PDK1: variants seen among roughly 807,000 people sequenced by gnomAD.
The protein encoded by PDK1 is pyruvate dehydrogenase kinase 1.
In PDK1, 39 loss-of-function variants were observed where a neutral mutation model predicts 54.2. The ratio of observed to expected loss-of-function variants is 0.72; its 90% CI spans 0.56 to 0.94. The LOEUF is 0.94. Among genes scored for constraint, PDK1 ranks in the 40% least tolerant of loss-of-function variants. The pLI is 0.00. For missense variants in PDK1, 552 were observed against 566.0 expected (o/e 0.98, Z 0.25); for synonymous variants, 221 against 207.1 (o/e 1.07, Z -0.58).
chr2:172,610,419 T>G (rs1558968978), downstream of PDK1, among the ~76,000 whole-genome samples: 1 of 151,882 alleles, frequency 6.6e-6, no homozygotes, highest in African/African-American at 2.4e-5. Context: ...GCCACCATGG[T>G]GGGGGGGCTC....
the PDK1 span, among the ~76,000 whole-genome samples, chr2:172,662,117 T>C: frequency 6.6e-6 from 1 of 152,230 alleles, no homozygotes; most frequent in Non-Finnish European, 1.5e-5. Flanking sequence ...ATTCACATCA[T>C]TGGTGAATGA....
chr2:172,687,128 G>T, the PDK1 span, among the ~76,000 whole-genome samples: 2 of 137,470 alleles, frequency 1.5e-5, no homozygotes, highest in African/African-American at 4.9e-5. Context: ...TGTAGAAGTT[G>T]TAAAGAGAAA....
the PDK1 span, among the ~76,000 whole-genome samples, chr2:172,635,248 T>C: frequency 6.6e-6 from 1 of 152,254 alleles, no homozygotes; most frequent in Non-Finnish European, 1.5e-5. Context: ...ATCTTATTCT[T>C]ACCATGCTTT....
At chr2:172,587,471 G>T (rs1218560334) in intron 9 of PDK1, among the ~76,000 whole-genome samples, 1 of 152,102 alleles carries the variant, frequency 6.6e-6, no homozygotes, top group Non-Finnish European at 1.5e-5. Flanking sequence ...GTCCAGAGTT[G>T]TTTGTTCTTC....
At chr2:172,563,949 G>T (rs528681892) in intron 3 of PDK1, 1 of 461,518 alleles carries the variant, frequency 2.2e-6, no homozygotes, top group Non-Finnish European at 4.5e-6. Flanking sequence ...TAATATAATT[G>T]TTTACTTTTC....
chr2:172,652,256 G>C, the PDK1 span, among the ~76,000 whole-genome samples: 17 of 152,092 alleles, frequency 1.1e-4, no homozygotes, highest in African/African-American at 3.9e-4. Flanking sequence ...AGGCCTTTGA[G>C]AAAATTCAAC....
At chr2:172,716,567 C>T in the PDK1 span, among the ~76,000 whole-genome samples, 4,023 of 152,204 alleles carry the variant, frequency 0.026, 75 homozygotes, top group Non-Finnish European at 0.038. Context: ...TCAGGGGATC[C>T]GCCTGCCTCA....
chr2:172,716,499 A>G, the PDK1 span, among the ~76,000 whole-genome samples: 1 of 151,748 alleles, frequency 6.6e-6, no homozygotes, highest in African/African-American at 2.4e-5. Flanking sequence ...TCATTTTTGT[A>G]TTTGTAGTAG....
At chr2:172,722,424 G>T in the PDK1 span, among the ~76,000 whole-genome samples, 1 of 152,304 alleles carries the variant, frequency 6.6e-6, no homozygotes, top group African/African-American at 2.4e-5. Context: ...TTATCTGTAG[G>T]TCATTCACAA....
the PDK1 span, among the ~76,000 whole-genome samples, chr2:172,688,901 T>C: frequency 6.6e-6 from 1 of 152,220 alleles, no homozygotes; most frequent in South Asian, 2.1e-4. Context: ...AGTGGGTTCA[T>C]GGTCTCGCTG....
intron 3 of PDK1, chr2:172,562,873 CCTG>C (rs1688731394): frequency 1.4e-6 from 2 of 1,398,378 alleles, no homozygotes; most frequent in Non-Finnish European, 2.0e-6. Context: ...TATGCAGCTA[CCTG>C]CTTATTGCAG....
chr2:172,570,176 A>C (rs1231618058), intron 7 of PDK1, among the ~76,000 whole-genome samples: 3 of 152,190 alleles, frequency 2.0e-5, no homozygotes, highest in Non-Finnish European at 4.4e-5. Flanking sequence ...ATATTGTTTA[A>C]GGCTTCTGAT....
At chr2:172,610,381 A>C (rs1691423760), downstream of PDK1, among the ~76,000 whole-genome samples, 1 of 152,054 alleles carries the variant, frequency 6.6e-6, no homozygotes, top group East Asian at 1.9e-4. Context: ...GCATGGGCAC[A>C]CCGGATCTCT....
rs1352117907 is a variant in PDK1, at chr2:172,600,257, AT to A, written c.*4289del. The A allele has an allele frequency of 6.6e-6, 1 of 152,168 alleles. No individual in the cohort carries two copies. The highest frequency in any genetic ancestry group is 2.4e-5 in the African/African-American group (1 of 41,408). 9.4% of individuals were successfully genotyped at this position (152,168 alleles called of 1,614,324 possible). ...ATAGTACTACATGAAAATACTTAAT[AT>A]AGAGTTCTACAGTTACAGTATTGCA... On this transcript the variant is annotated 3_prime_UTR_variant, in exon 11 of 11. Transcript: ENST00000282077.
the PDK1 span, among the ~76,000 whole-genome samples, chr2:172,651,427 G>A: frequency 6.6e-6 from 1 of 152,256 alleles, no homozygotes; most frequent in Admixed American, 6.5e-5. Context: ...AGAGAAGCAA[G>A]AGCAAACACA....
chr2:172,641,704 A>G, the PDK1 span, among the ~76,000 whole-genome samples: 12 of 152,264 alleles, frequency 7.9e-5, no homozygotes, highest in African/African-American at 2.6e-4. Context: ...TCGGCCTTCT[A>G]AAGTGTTGGG....
chr2:172,593,009 C>A lies in PDK1; in HGVS notation c.1131C>A (p.Ser377=). The part of the protein sequence containing the change: ...QYFQGDLKLY[S]LEGYGTDAVI... ...TCCAAGGAGACCTGAAGCTGTATTC[C>A]CTAGAGGGTTACGGGACAGATGCAG... Residue 377 remains serine (S), a synonymous_variant, in exon 10 of 11, where the codon TCC becomes TCA. Coordinates refer to ENST00000282077, the MANE Select transcript of PDK1 (RefSeq NM_002610.5). 6.2e-7 allele frequency: 1 copy of A among 1,608,376 alleles called. No homozygotes were observed. Among genetic ancestry groups the A allele is most frequent in the South Asian group, 1.1e-5 (1 of 90,948 alleles).
chr2:172,642,524 C>T, the PDK1 span, among the ~76,000 whole-genome samples: 3 of 152,228 alleles, frequency 2.0e-5, no homozygotes, highest in Non-Finnish European at 4.4e-5. Context: ...CCCAGACCTA[C>T]TGAATCACAA....
the PDK1 span, among the ~76,000 whole-genome samples, chr2:172,680,408 G>A: frequency 1.3e-5 from 2 of 152,108 alleles, no homozygotes; most frequent in African/African-American, 2.4e-5. Flanking sequence ...CTGGAGTGCA[G>A]TAGCGTGATC....
Sources: gnomAD v4.1 joint callset for allele counts (sites outside exome capture counted in the v4.1 genomes callset) on GRCh38, gnomAD v4.1.1 for gene constraint, MANE v1.5 for transcripts, NCBI Gene and HGNC (gene_info 2026-07-23, HGNC 2026-07-21) for gene names.